WNK1: variants seen among roughly 807,000 people sequenced by gnomAD.
WNK1 encodes WNK lysine deficient protein kinase 1, also known as serine/threonine-protein kinase WNK1.
Under a neutral mutation model 222.8 loss-of-function variants are expected in WNK1, and 38 were observed. The observed-to-expected ratio is 0.17, with a 90% confidence interval of 0.13 to 0.22. The LOEUF (loss-of-function observed/expected upper bound fraction) is 0.22, where lower values mean the gene tolerates loss of function less well. WNK1 is among the 10% of genes least tolerant of loss of function. The probability of loss-of-function intolerance (pLI) is 1.00; values close to 1 mark genes in which losing one functional copy is unlikely to be tolerated. For missense variants in WNK1, 2,348 were observed against 2,918.4 expected (o/e 0.80, Z 4.50); for synonymous variants, 1,090 against 1,092.9 (o/e 1.00, Z 0.05).
In WNK1 at chr12:883,441, A is replaced by G; in HGVS notation, c.3536A>G (p.Asp1179Gly). 1.3e-6 allele frequency: 2 copies of G among 1,579,106 alleles called. No individual in the cohort carries two copies. Among genetic ancestry groups the G allele is most frequent in the Non-Finnish European group, 8.7e-7 (1 of 1,152,764 alleles). ...GCAATAGAGAGAGAGTCGTTTGTGG[A>G]TCAAGTGCGAGAAATTATTGAAAAA... ...ILAIERESFVDQVREIIEKAD... is the reference protein window; with the variant it reads ...ILAIERESFVGQVREIIEKAD... The change falls in exon 16 of 28, where the codon GAT (aspartate) becomes GGT (glycine). Residue 1179 changes from aspartate (D) to glycine (G), a missense_variant. Physicochemically the swap from Asp to Gly is moderately conservative, Grantham distance 94 (BLOSUM62 -1). Transcript: ENST00000315939.
At chr12:839,905 T>A (rs1949487477) in intron 4 of WNK1, among the ~76,000 whole-genome samples, 1 of 146,566 alleles carries the variant, frequency 6.8e-6, no homozygotes, top group Admixed American at 6.9e-5. Flanking sequence ...TTTTTTTTTT[T>A]TAAGTAGAGA....
At chr12:888,275 A>G (rs932345304) in intron 20 of WNK1, among the ~76,000 whole-genome samples, 1 of 152,064 alleles carries the variant, frequency 6.6e-6, no homozygotes, top group African/African-American at 2.4e-5. Flanking sequence ...TGAAGTAAAA[A>G]CCCCAACAGA....
At chr12:856,942 T>C (rs961644215) in intron 4 of WNK1, among the ~76,000 whole-genome samples, 7 of 152,298 alleles carry the variant, frequency 4.6e-5, no homozygotes, top group African/African-American at 1.7e-4. Flanking sequence ...TTGTCACATA[T>C]GGAAGTAAGT....
intron 1 of WNK1, among the ~76,000 whole-genome samples, chr12:758,347 C>CCAT (rs1218189480): frequency 7.2e-6 from 1 of 139,112 alleles, no homozygotes; most frequent in Non-Finnish European, 1.6e-5. Flanking sequence ...GATTAAGAAA[C>CCAT]CATCATTTAT....
At chr12:857,361 A>G (rs1950864824) in intron 5 of WNK1, 112 bp downstream of exon 5, 2 of 1,006,712 alleles carry the variant, frequency 2.0e-6, no homozygotes, top group Admixed American at 2.0e-5. Context: ...TGGTTTCTCT[A>G]TTTGTGCCTG....
chr12:763,726 A>G (rs1010667965), intron 1 of WNK1, among the ~76,000 whole-genome samples: 3 of 147,694 alleles, frequency 2.0e-5, no homozygotes, highest in Non-Finnish European at 4.5e-5. Flanking sequence ...TAGGACCTAA[A>G]CTAGGGAGAT....
chr12:864,019 G>A (rs1336411748), intron 8 of WNK1, among the ~76,000 whole-genome samples: 1 of 151,592 alleles, frequency 6.6e-6, no homozygotes, highest in Admixed American at 6.6e-5. Context: ...CATCTAAAAG[G>A]AAAATAACAG....
At chr12:847,150 T>G (rs1050806081) in intron 4 of WNK1, among the ~76,000 whole-genome samples, 1 of 152,204 alleles carries the variant, frequency 6.6e-6, no homozygotes, top group Non-Finnish European at 1.5e-5. Context: ...TAAATCATTA[T>G]TTCAGAATTC....
chr12:847,606 A>G (rs995455055), intron 4 of WNK1, among the ~76,000 whole-genome samples: 27 of 152,116 alleles, frequency 1.8e-4, no homozygotes, highest in Non-Finnish European at 3.4e-4. Context: ...CAGAAATAAC[A>G]TTAAACTAGA....
chr12:758,171 C>A (rs978639003), intron 1 of WNK1, among the ~76,000 whole-genome samples: 17 of 146,342 alleles, frequency 1.2e-4, no homozygotes, highest in Non-Finnish European at 2.3e-4. Context: ...GAGATTGTTT[C>A]CACATCTACC....
At chr12:791,637 C>A (rs1036661833) in intron 1 of WNK1, among the ~76,000 whole-genome samples, 11 of 151,144 alleles carry the variant, frequency 7.3e-5, no homozygotes, top group Non-Finnish European at 1.6e-4. Flanking sequence ...CATTTTAGTT[C>A]ATCAGGTATT....
Position 883,581 on chromosome 12 carries a change from C to T in WNK1, c.3663+13C>T. The T allele has an allele frequency of 6.2e-7, 1 of 1,614,052 alleles. No individual in the cohort carries two copies. Among genetic ancestry groups the T allele is most frequent in the Non-Finnish European group, 8.5e-7 (1 of 1,179,910 alleles). ...TTCAGGTTCTCAGGTAGGTTCACCA[C>T]TCCCATAGTGAAACTTTGTTGATTT... On this transcript the variant is annotated intron_variant, in intron 16 of 27. Transcript: ENST00000315939.
intron 1 of WNK1, among the ~76,000 whole-genome samples, chr12:801,441 G>C (rs1945864010): frequency 6.7e-6 from 1 of 149,052 alleles, no homozygotes; most frequent in Non-Finnish European, 1.5e-5. Context: ...GTGTGTGTGT[G>C]TGTGTGTGTG....
At chr12:862,390 C>G in intron 8 of WNK1, 120 bp downstream of exon 8, 1 of 1,126,072 alleles carries the variant, frequency 8.9e-7, no homozygotes. Context: ...ATATAAAATG[C>G]TGTGTCTCTA....
chr12:861,566 T>C (rs1951220988), intron 7 of WNK1, among the ~76,000 whole-genome samples: 1 of 152,222 alleles, frequency 6.6e-6, no homozygotes, highest in Non-Finnish European at 1.5e-5. Context: ...AAAATAATTT[T>C]ATAAGCTTCA....
intron 9 of WNK1, among the ~76,000 whole-genome samples, chr12:877,665 G>T (rs1055024668): frequency 5.9e-5 from 9 of 152,128 alleles, no homozygotes; most frequent in African/African-American, 2.2e-4. Flanking sequence ...TTAACAGCTA[G>T]TAAATATTAA....
At chr12:843,143 GTCAGGCTGTTCTGGAAC>G (rs1358235474) in intron 4 of WNK1, among the ~76,000 whole-genome samples, 1 of 152,132 alleles carries the variant, frequency 6.6e-6, no homozygotes, top group Non-Finnish European at 1.5e-5. Flanking sequence ...TACCGTGTTA[GTCAGGCTGTTCTGGAAC>G]TCCTGAGGTC....
intron 4 of WNK1, 24 bp from the exon 5 acceptor site, chr12:857,136 AT>A: frequency 6.2e-7 from 1 of 1,609,282 alleles, no homozygotes; most frequent in Non-Finnish European, 8.5e-7. Context: ...GCTTTTATTA[AT>A]GTATTTCTGT....
At chr12:860,927 C>T (rs1345534273) in intron 6 of WNK1, 86 bp from the exon 7 acceptor site, 2 of 969,406 alleles carry the variant, frequency 2.1e-6, no homozygotes, top group African/African-American at 2.2e-5. Context: ...TTTACAATGC[C>T]TTTTTTTTTT....
Sources: gnomAD v4.1 joint callset for allele counts (sites outside exome capture counted in the v4.1 genomes callset) on GRCh38, gnomAD v4.1.1 for gene constraint, MANE v1.5 for transcripts, NCBI Gene and HGNC (gene_info 2026-07-23, HGNC 2026-07-21) for gene names.